Variants in FHOD1 observed in about 807,000 individuals in gnomAD.
The protein encoded by FHOD1 is formin homology 2 domain containing 1, also known as FH1/FH2 domain-containing protein 1.
A neutral mutation model predicts 111.6 loss-of-function variants in FHOD1; 89 were observed. That is an observed-to-expected ratio of 0.80 (90% CI 0.67 to 0.95). The LOEUF is 0.95. Ranked by LOEUF, FHOD1 falls within the 40% of genes least tolerant of loss-of-function variation. The probability of loss-of-function intolerance (pLI) is 0.00; values close to 1 mark genes in which losing one functional copy is unlikely to be tolerated. For missense variants in FHOD1, 1,446 were observed against 1,554.2 expected, an observed-to-expected ratio of 0.93 and a Z score of 1.17; for synonymous variants, 618 against 639.0, an observed-to-expected ratio of 0.97 and a Z score of 0.50.
intron 13 of FHOD1, 112 bp downstream of exon 13, chr16:67,233,545 T>C: frequency 7.1e-7 from 1 of 1,403,160 alleles, no homozygotes; most frequent in Non-Finnish European, 9.5e-7. Context: ...CTCCTTTCTT[T>C]GCCTTGGTTT....
intron 1 of FHOD1, among the ~76,000 whole-genome samples, chr16:67,241,499 C>T (rs952553018): frequency 1.2e-4 from 18 of 152,358 alleles, no homozygotes; most frequent in African/African-American, 3.4e-4. Flanking sequence ...GAGCCACCCC[C>T]GTCAGGGATC....
In FHOD1 at chr16:67,229,458, GCATGCACACACACA is replaced by G. The variant is rs2034155759; in HGVS notation, c.*164_*177del. On this transcript the variant is annotated 3_prime_UTR_variant, in exon 22 of 22. Coordinates refer to ENST00000258201, the MANE Select transcript of FHOD1 (RefSeq NM_013241.3). ...AGCTCACACACATGCACATGCATAT[GCATGCACACACACA>G]CATACACACACACTCACATGCATAC... 3.2e-6 allele frequency: 2 copies of G among 634,772 alleles called. No homozygotes were observed. Among genetic ancestry groups the G allele is most frequent in the Non-Finnish European group, 5.7e-6 (2 of 351,830 alleles). The allele number at this position is 634,772 out of a possible 1,614,324, so 39.3% of individuals were successfully genotyped here. A position where few individuals can be genotyped will look rare whatever the true frequency, so the allele number is the denominator to read the frequency against.
Position 67,237,890 on chromosome 16 carries a change from C to T in FHOD1, c.643-122G>A. ...GAGAATCTAGGCAGAATGACCCTGG[C>T]CCCAGGCCCAGGCACTGAAGTGCCT... On this transcript the variant is annotated intron_variant, in intron 6 of 21. Transcript: ENST00000258201. This position sits in a 1 kb window ranked among gnomAD's most constrained non-coding sequence, Gnocchi z 5.6. 7.6e-7 allele frequency: 1 copy of T among 1,308,378 alleles called. No individual in the cohort carries two copies. Among genetic ancestry groups the T allele is most frequent in the South Asian group, 1.3e-5 (1 of 79,748 alleles). The allele number at this position is 1,308,378 out of a possible 1,614,324, so 81.0% of individuals were successfully genotyped here. A position where few individuals can be genotyped will look rare whatever the true frequency, so the allele number is the denominator to read the frequency against.
At position 67,231,028 on chromosome 16, in the gene FHOD1, G is replaced by C. The variant is rs1186465723; in HGVS notation, c.2667+160C>G. The stretch of plus-strand genomic sequence containing the variant: ...CTGAGTAGGTGTGGCCAGGCCAATA[G>C]AGGAAAGAGCATTTCTGGCAGAGGG... On this transcript the variant is annotated intron_variant, in intron 17 of 21. Coordinates refer to ENST00000258201, the MANE Select transcript of FHOD1 (RefSeq NM_013241.3). This position sits in a 1 kb window ranked among gnomAD's most constrained non-coding sequence, Gnocchi z 4.3. The C allele has an allele frequency of 4.9e-6, 5 of 1,012,182 alleles. No homozygotes were observed. The highest frequency in any genetic ancestry group is 7.1e-6 in the Non-Finnish European group (5 of 700,768). The allele number at this position is 1,012,182 out of a possible 1,614,324, so 62.7% of individuals were successfully genotyped here.
rs2034285072 is a variant in FHOD1, at chr16:67,231,765, G to A, written c.2257C>T (p.Gln753Ter). 1.9e-6 allele frequency: 3 copies of A among 1,613,900 alleles called. No homozygotes were observed. Among genetic ancestry groups the A allele is most frequent in the African/African-American group, 2.7e-5 (2 of 74,854 alleles). ...EEERQKIEEA[Q>*]LANPDIPLGP... is the part of the protein sequence containing the mutation. ...AGGGGTATGTCAGGGTTGGCCAGCT[G>A]GGCTTCCTCAATCTTCTGCCGCTCT... The change falls in exon 15 of 22, where the codon CAG becomes TAG. Residue 753 changes from glutamine (Q) to a stop codon, truncating the protein, a stop_gained. Coordinates refer to ENST00000258201, the MANE Select transcript of FHOD1 (RefSeq NM_013241.3). LOFTEE classifies it high-confidence loss of function. The surrounding 1 kb of genome is among the most constrained non-coding windows in gnomAD (Gnocchi z 4.3).
chr16:67,243,604 A>G (rs1015221367), intron 1 of FHOD1, among the ~76,000 whole-genome samples: 1 of 152,158 alleles, frequency 6.6e-6, no homozygotes, highest in African/African-American at 2.4e-5. Context: ...CCCAGGGTGC[A>G]CAGCCAGGAG....
At position 67,237,125 on chromosome 16, in the gene FHOD1, C is replaced by T. The variant is rs1275912500; in HGVS notation, c.994-11G>A. On this transcript the variant is annotated splice_polypyrimidine_tract_variant and intron_variant, in intron 9 of 21. Coordinates refer to ENST00000258201, the MANE Select transcript of FHOD1 (RefSeq NM_013241.3). The surrounding 1 kb of genome is among the most constrained non-coding windows in gnomAD (Gnocchi z 5.6). ...CAATTTCAGGGCGTTCTAGCAGAGG[C>T]GGACCAGGATGTAAGAAAGTGGTTA... 1.9e-6 allele frequency: 3 copies of T among 1,606,244 alleles called. No homozygotes were observed. Among genetic ancestry groups the T allele is most frequent in the South Asian group, 2.2e-5 (2 of 90,254 alleles).
chr16:67,247,023 A>G (rs2034875045), intron 1 of FHOD1, 187 bp downstream of exon 1: 3 of 637,622 alleles, frequency 4.7e-6, no homozygotes, highest in Admixed American at 6.9e-5. Context: ...ACCCCTCTTC[A>G]GTTTCCCCTC....
chr16:67,239,496 G>C (rs1322768155), intron 1 of FHOD1, 42 bp from the exon 2 acceptor site: 4 of 1,478,554 alleles, frequency 2.7e-6, no homozygotes, highest in African/African-American at 1.4e-5. Context: ...GGAAGAGGTG[G>C]CAGGCGAATG....
chr16:67,236,295 G>T, intron 11 of FHOD1: 1 of 1,092,914 alleles, frequency 9.1e-7, no homozygotes, highest in Non-Finnish European at 1.2e-6. Context: ...GTGACAGATA[G>T]TGGGCGGGAG....
chr16:67,244,780 T>C (rs1319208985), intron 1 of FHOD1, among the ~76,000 whole-genome samples: 1 of 152,104 alleles, frequency 6.6e-6, no homozygotes, highest in Non-Finnish European at 1.5e-5. Flanking sequence ...CAACTGTACA[T>C]AGGACGAAGC....
At position 67,231,427 on chromosome 16, in the gene FHOD1, C is replaced by CA; in HGVS notation, c.2505+2dup. Reference sequence around the variant, plus strand: ...CCCCTAGTCCCCATGTACTCTCACTCACCTGGGAGCCATTGAGGAAGTTGC... The same window carrying CA: ...CCCCTAGTCCCCATGTACTCTCACTCAACCTGGGAGCCATTGAGGAAGTTGC... On this transcript the variant is annotated splice_region_variant and intron_variant, in intron 16 of 21. Coordinates refer to ENST00000258201, the MANE Select transcript of FHOD1 (RefSeq NM_013241.3). The surrounding 1 kb of genome is among the most constrained non-coding windows in gnomAD (Gnocchi z 4.3). 1.9e-6 allele frequency: 3 copies of CA among 1,614,176 alleles called. No homozygotes were observed. Among genetic ancestry groups the CA allele is most frequent in the Non-Finnish European group, 2.5e-6 (3 of 1,180,022 alleles).
intron 1 of FHOD1, among the ~76,000 whole-genome samples, chr16:67,242,595 C>G (rs1463819022): frequency 6.6e-6 from 1 of 152,250 alleles, no homozygotes; most frequent in Non-Finnish European, 1.5e-5. Flanking sequence ...AAGCCCAAAC[C>G]CTGGTCCTTG....
intron 1 of FHOD1, among the ~76,000 whole-genome samples, chr16:67,240,784 C>A (rs1223751037): frequency 6.6e-6 from 1 of 152,248 alleles, no homozygotes; most frequent in Non-Finnish European, 1.5e-5. Context: ...TTGCACAGTG[C>A]AGATATGCAG....
At position 67,231,783 on chromosome 16, in the gene FHOD1, G is replaced by C; in HGVS notation, c.2239C>G (p.Gln747Glu). Residue 747 changes from glutamine to glutamate, a missense_variant, in exon 15 of 22, where the codon CAG (glutamine) becomes GAG (glutamate). Transcript: ENST00000258201. This position sits in a 1 kb window ranked among gnomAD's most constrained non-coding sequence, Gnocchi z 4.3. ...LTMMPTEEER[Q>E]KIEEAQLANP... The stretch of plus-strand genomic sequence containing the variant: ...GCCAGCTGGGCTTCCTCAATCTTCT[G>C]CCGCTCTTCCTCCGTGGGCATCATG... 1 of 1,614,204 alleles carries C rather than the reference G, an allele frequency of 6.2e-7. No individual in the cohort carries two copies. Among genetic ancestry groups the C allele is most frequent in the Non-Finnish European group, 8.5e-7 (1 of 1,180,028 alleles).
At chr16:67,236,374 A>T (rs1428588669) in intron 11 of FHOD1, 183 bp downstream of exon 11, 3 of 1,445,888 alleles carry the variant, frequency 2.1e-6, no homozygotes, top group Non-Finnish European at 2.7e-6. Context: ...GAGGAGATCC[A>T]GTCAGAGCCG....
chr16:67,239,396 G>T lies in FHOD1; in HGVS notation c.260C>A (p.Ser87Tyr). 6.2e-7 allele frequency: 1 copy of T among 1,614,184 alleles called. No homozygotes were observed. Among genetic ancestry groups the T allele is most frequent in the Non-Finnish European group, 8.5e-7 (1 of 1,180,038 alleles). The change falls in exon 2 of 22, where the codon TCC (serine) becomes TAC (tyrosine). Residue 87 changes from serine (S) to tyrosine (Y), a missense_variant. Coordinates refer to ENST00000258201, the MANE Select transcript of FHOD1 (RefSeq NM_013241.3). ...CAGCATCTCCCGCTGCTCTTCCAGGGACAGCTCGGTGTCCAGGTAGTATCC... is the reference window on the plus strand; with the variant it reads ...CAGCATCTCCCGCTGCTCTTCCAGGTACAGCTCGGTGTCCAGGTAGTATCC... ...PSGYYLDTEL[S>Y]LEEQREMLEG...
Position 67,233,794 on chromosome 16 carries a change from CCAGCTT to C in FHOD1, c.1903_1908del (p.Lys635_Leu636del). 3.1e-6 allele frequency: 5 copies of C among 1,613,810 alleles called. No individual in the cohort carries two copies. The highest frequency in any genetic ancestry group is 4.2e-6 in the Non-Finnish European group (5 of 1,179,986). On this transcript the variant is annotated inframe_deletion, in exon 13 of 22. Coordinates refer to ENST00000258201, the MANE Select transcript of FHOD1 (RefSeq NM_013241.3). ...CTTGCAGAGACTCCATGGCCCCCAGCCAGCTTCAGCTCACGCCAGAAAAGTTTTACT... is the reference window on the plus strand; with the variant it reads ...CTTGCAGAGACTCCATGGCCCCCAGCCAGCTCACGCCAGAAAAGTTTTACT...
chr16:67,238,383 G>C lies in FHOD1; in HGVS notation c.438C>G (p.Phe146Leu), dbSNP rs1269942068. 6.2e-7 allele frequency: 1 copy of C among 1,614,154 alleles called. No individual in the cohort carries two copies. The highest frequency in any genetic ancestry group is 8.5e-7 in the Non-Finnish European group (1 of 1,180,026). The change falls in exon 4 of 22, where the codon TTC becomes TTG. Residue 146 changes from phenylalanine to leucine, a missense_variant. Coordinates refer to ENST00000258201, the MANE Select transcript of FHOD1 (RefSeq NM_013241.3). This position sits in a 1 kb window ranked among gnomAD's most constrained non-coding sequence, Gnocchi z 4.2. ...CCAGCCCACTGCGGGGCCTCACCTG[G>C]AAGATCTGCTTCAGTGAGAAGAGGG... is the stretch of plus-strand genomic sequence containing the variant. Reference protein sequence around the residue: ...RRSLFSLKQIFQEDKDLVPEF... With the variant: ...RRSLFSLKQILQEDKDLVPEF...
Sources: gnomAD v4.1 joint callset for allele counts (sites outside exome capture counted in the v4.1 genomes callset) on GRCh38, gnomAD v4.1.1 for gene constraint, Gnocchi (gnomAD v3.1) non-coding constraint, MANE v1.5 for transcripts, NCBI Gene and HGNC (gene_info 2026-07-23, HGNC 2026-07-21) for gene names.